Variants in SMPDL3B observed in about 807,000 individuals in gnomAD.
SMPDL3B encodes acid sphingomyelinase-like phosphodiesterase 3b.
In SMPDL3B, 31 loss-of-function variants were observed where a neutral mutation model predicts 37.9. That is an observed-to-expected ratio of 0.82 (90% confidence interval 0.61 to 1.10). The LOEUF (loss-of-function observed/expected upper bound fraction) is 1.10, where lower values mean the gene tolerates loss of function less well. Ranked by LOEUF, SMPDL3B falls within the 50% of genes least tolerant of loss-of-function variation. The pLI is 0.00. For missense variants in SMPDL3B, 525 were observed against 597.8 expected, an observed-to-expected ratio of 0.88 and a Z score of 1.27; for synonymous variants, 235 against 242.6, an observed-to-expected ratio of 0.97 and a Z score of 0.29.
At position 27,945,815 on chromosome 1, in the gene SMPDL3B, AG is replaced by A. The variant is rs1195484912; in HGVS notation, c.275+373del. 6.6e-6 allele frequency among the ~76,000 whole-genome samples: 1 copy of A among 152,078 alleles called. No individual in the cohort carries two copies. The highest frequency in any genetic ancestry group is 1.5e-5 in the Non-Finnish European group (1 of 67,996). On this transcript the variant is annotated intron_variant, in intron 2 of 7. Transcript: ENST00000373894. The surrounding 1 kb of genome is among the most constrained non-coding windows in gnomAD (Gnocchi z 4.0). The stretch of plus-strand genomic sequence containing the variant: ...AAGTCTGAGAGGTCCAAGTGCAGGG[AG>A]GGAAGAAGTTATGAGGGCTGAAGGT...
intron 4 of SMPDL3B, among the ~76,000 whole-genome samples, chr1:27,953,654 T>C (rs2090473821): frequency 6.6e-6 from 1 of 152,150 alleles, no homozygotes; most frequent in African/African-American, 2.4e-5. Context: ...ACAACAACCC[T>C]TGGAAGGAGT....
intron 1 of SMPDL3B, among the ~76,000 whole-genome samples, chr1:27,943,769 CG>C (rs1307878356): frequency 6.6e-6 from 1 of 151,766 alleles, no homozygotes; most frequent in Non-Finnish European, 1.5e-5. Flanking sequence ...GAAGCTGAGG[CG>C]GGCGGATCAC....
At chr1:27,957,343 G>A (rs892352120) in intron 7 of SMPDL3B, among the ~76,000 whole-genome samples, 8 of 152,136 alleles carry the variant, frequency 5.3e-5, no homozygotes, top group Non-Finnish European at 1.0e-4. Context: ...GAGAAAAAGG[G>A]ACGAATCCAG....
At chr1:27,936,500 T>C (rs1351079519) in intron 1 of SMPDL3B, 4 of 151,658 alleles carry the variant, frequency 2.6e-5, no homozygotes, top group Non-Finnish European at 5.9e-5. Context: ...ATAGCCCCTC[T>C]GAAGTAGGTG....
At chr1:27,943,784 A>AG (rs2090379983) in intron 1 of SMPDL3B, among the ~76,000 whole-genome samples, 2 of 151,762 alleles carry the variant, frequency 1.3e-5, no homozygotes, top group Admixed American at 6.6e-5. Flanking sequence ...GGATCACCTG[A>AG]GGTCAAGGAG....
intron 1 of SMPDL3B, among the ~76,000 whole-genome samples, chr1:27,935,799 C>G (rs1242599755): frequency 6.6e-6 from 1 of 152,166 alleles, no homozygotes; most frequent in Non-Finnish European, 1.5e-5. Flanking sequence ...AGGTGACACT[C>G]AAGTGGAGCC....
intron 1 of SMPDL3B, among the ~76,000 whole-genome samples, chr1:27,937,456 T>C (rs943169979): frequency 6.6e-6 from 1 of 152,246 alleles, no homozygotes; most frequent in East Asian, 1.9e-4. Context: ...ATGTAGGTTT[T>C]AACAAATGAA....
At chr1:27,950,831 T>C (rs2090450253) in intron 3 of SMPDL3B, among the ~76,000 whole-genome samples, 1 of 152,174 alleles carries the variant, frequency 6.6e-6, no homozygotes, top group Non-Finnish European at 1.5e-5. Flanking sequence ...CATTTCACTA[T>C]GTTGGCCAGG....
In SMPDL3B at chr1:27,955,967, T is replaced by G. The variant is rs1174162208; in HGVS notation, c.890T>G (p.Met297Arg). The change falls in exon 7 of 8, where the codon ATG (methionine) becomes AGG (arginine). Residue 297 changes from methionine (M) to arginine (R), a missense_variant. Met to Arg is a moderately conservative substitution (Grantham distance 91). Coordinates refer to ENST00000373894, the MANE Select transcript of SMPDL3B (RefSeq NM_014474.4). Reference sequence around the variant, plus strand: ...CTGACAGGTGTCCCCATAAGCGCCATGTTCATCACACCTGGAGTCACCCCA... The same window carrying G: ...CTGACAGGTGTCCCCATAAGCGCCAGGTTCATCACACCTGGAGTCACCCCA... ...YDDAGVPISAMFITPGVTPWK... is the reference protein window; with the variant it reads ...YDDAGVPISARFITPGVTPWK... 8 of 1,613,938 alleles carry G rather than the reference T, an allele frequency of 5.0e-6. No individual in the cohort carries two copies. The highest frequency in any genetic ancestry group is 5.9e-6 in the Non-Finnish European group (7 of 1,180,020).
intron 1 of SMPDL3B, among the ~76,000 whole-genome samples, chr1:27,935,860 G>T (rs2090303585): frequency 6.6e-6 from 1 of 152,164 alleles, no homozygotes; most frequent in Non-Finnish European, 1.5e-5. Flanking sequence ...ATTACAGGAA[G>T]AGAGGACAGT....
Position 27,958,953 on chromosome 1 carries a change from A to T in SMPDL3B, c.*115A>T. On this transcript the variant is annotated 3_prime_UTR_variant, in exon 8 of 8. Transcript: ENST00000373894. This position sits in a 1 kb window ranked among gnomAD's most constrained non-coding sequence, Gnocchi z 5.6. ...CCTGAGGAGTGAACTGAAATAGGAC[A>T]ACCGAATCAGGAAGCGAAGCCCCAG... is the stretch of plus-strand genomic sequence containing the variant. The T allele has an allele frequency of 1.6e-6, 2 of 1,279,194 alleles. No homozygotes were observed. Among genetic ancestry groups the T allele is most frequent in the South Asian group, 3.1e-5 (2 of 64,354 alleles). The allele number at this position is 1,279,194 out of a possible 1,614,324, so 79.2% of individuals were successfully genotyped here.
Position 27,953,261 on chromosome 1 carries a change from A to G in SMPDL3B, c.420A>G (p.Lys140=). 6.2e-7 allele frequency: 1 copy of G among 1,613,838 alleles called. No individual in the cohort carries two copies. The highest frequency in any genetic ancestry group is 8.5e-7 in the Non-Finnish European group (1 of 1,179,760). ...AALGNHDFHP[K]NQFPAGSNNI... ...TGGGAAATCATGATTTTCACCCCAA[A>G]AACCAGTTCCCAGCTGGAAGTAACA... The change falls in exon 4 of 8, where the codon AAA becomes AAG. Residue 140 remains lysine (K), a synonymous_variant. Transcript: ENST00000373894.
At chr1:27,947,403 G>A (rs188610059) in intron 2 of SMPDL3B, among the ~76,000 whole-genome samples, 27 of 152,030 alleles carry the variant, frequency 1.8e-4, no homozygotes, top group African/African-American at 5.3e-4. Flanking sequence ...CAGATGAGAA[G>A]ATCTCTAGGA....
intron 2 of SMPDL3B, among the ~76,000 whole-genome samples, chr1:27,946,353 CA>C (rs369329982): frequency 1.4e-3 from 187 of 134,360 alleles, no homozygotes; most frequent in Admixed American, 1.4e-3. Flanking sequence ...GACTCTGTCT[CA>C]AAAAAAAAAA....
intron 2 of SMPDL3B, among the ~76,000 whole-genome samples, chr1:27,946,599 C>G (rs2090409861): frequency 6.6e-6 from 1 of 152,124 alleles, no homozygotes; most frequent in South Asian, 2.1e-4. Context: ...CTTCACAGGG[C>G]ACATGATCCC....
chr1:27,951,767 T>A (rs182735706), intron 3 of SMPDL3B, among the ~76,000 whole-genome samples: 33 of 152,342 alleles, frequency 2.2e-4, no homozygotes, highest in Non-Finnish European at 4.7e-4. Flanking sequence ...GAGGATCACT[T>A]GACCCCAGGA....
At chr1:27,946,821 C>T (rs921546570) in intron 2 of SMPDL3B, among the ~76,000 whole-genome samples, 36 of 152,146 alleles carry the variant, frequency 2.4e-4, no homozygotes, top group African/African-American at 8.5e-4. Flanking sequence ...CCAGGCTGGA[C>T]ACATAAGAAG....
rs1160431908 is a variant in SMPDL3B, at chr1:27,940,580, T to G, written c.62-4652T>G. Reference sequence around the variant, plus strand: ...TTCACACAGCTATGGGGTGGTGCAGTAGGACTCCCTCCCAGGTCTGTGGCC... The same window carrying G: ...TTCACACAGCTATGGGGTGGTGCAGGAGGACTCCCTCCCAGGTCTGTGGCC... On this transcript the variant is annotated intron_variant, in intron 1 of 7. Transcript: ENST00000373894. 2.6e-5 allele frequency among the ~76,000 whole-genome samples: 4 copies of G among 152,238 alleles called. No individual in the cohort carries two copies. The East Asian group carries it at 7.7e-4, about 29-fold the overall frequency.
Position 27,952,167 on chromosome 1 carries a change from A to ATTT in SMPDL3B, c.374-1038_374-1036dup, listed in dbSNP as rs71027256. ...AGTGAGTCCCTCCCTTCTCATAGGG[A>ATTT]TTTTTTTTTTTTCTTAAATGGATTC... On this transcript the variant is annotated intron_variant, in intron 3 of 7. Transcript: ENST00000373894. Among the ~76,000 whole-genome samples the ATTT allele has an allele frequency of 7.1e-4, 105 of 148,376 alleles. 1 individual carries two copies. In the Middle Eastern group the frequency reaches 0.01, roughly 15 times the overall value.
Sources: allele counts gnomAD v4.1 joint callset (sites outside exome capture counted in the v4.1 genomes callset), GRCh38; gene constraint gnomAD v4.1.1; non-coding constraint Gnocchi (gnomAD v3.1); transcripts MANE v1.5; gene names NCBI Gene and HGNC (gene_info 2026-07-23, HGNC 2026-07-21).